RBFOX1: variants seen among roughly 807,000 people sequenced by gnomAD.
RBFOX1 encodes the protein RNA binding fox-1 homolog 1, also known as RNA binding protein fox-1 homolog 1.
In RBFOX1, 8 loss-of-function variants were observed where a neutral mutation model predicts 57.7. The observed-to-expected ratio is 0.14, with a 90% CI of 0.08 to 0.25. The LOEUF is 0.25. Ranked by LOEUF, RBFOX1 falls within the 10% of genes least tolerant of loss-of-function variation. The pLI, the probability that RBFOX1 is intolerant of heterozygous loss-of-function variation, is 1.00. For synonymous variants in RBFOX1, 326 were observed against 222.4 expected (o/e 1.47, Z -4.15); for missense variants, 611 against 548.5 (o/e 1.11, Z -1.14).
intron 2 of RBFOX1, among the ~76,000 whole-genome samples, chr16:6,398,204 A>G (rs1316218905): frequency 1.3e-5 from 2 of 152,132 alleles, no homozygotes; most frequent in East Asian, 1.9e-4. Flanking sequence ...CACCGCCCCC[A>G]TGGTTCAATT....
At chr16:7,010,126 G>A (rs572765750) in intron 3 of RBFOX1, among the ~76,000 whole-genome samples, 31 of 152,326 alleles carry the variant, frequency 2.0e-4, no homozygotes, top group African/African-American at 7.2e-4. Flanking sequence ...ATTCTTTGCT[G>A]CAAAGCACGT....
In RBFOX1 at chr16:5,944,778, C is replaced by A. The variant is rs1327125333; in HGVS notation, c.351+77443C>A. Among the ~76,000 whole-genome samples the A allele has an allele frequency of 5.4e-5, 2 of 36,940 alleles. 1 individual carries two copies. Among genetic ancestry groups the A allele is most frequent in the South Asian group, 1.8e-3 (2 of 1,112 alleles). The allele number at this position is 36,940 out of a possible 152,430, so 24.2% of individuals were successfully genotyped here. The stretch of plus-strand genomic sequence containing the variant: ...GACCATCCTGGCCAACTTGGTGAAA[C>A]CCTGTCTCTGCTAAAAAAAAAAAAA... On this transcript the variant is annotated intron_variant, in intron 4 of 19. Coordinates refer to the RBFOX1 transcript ENST00000641259.
chr16:6,801,841 T>A (rs1234382993), intron 3 of RBFOX1, among the ~76,000 whole-genome samples: 1 of 152,148 alleles, frequency 6.6e-6, no homozygotes, highest in African/African-American at 2.4e-5. Context: ...TATGTCTACA[T>A]GTAAGTGTGC....
chr16:6,950,964 G>A (rs1409183756), intron 3 of RBFOX1, among the ~76,000 whole-genome samples: 2 of 151,414 alleles, frequency 1.3e-5, no homozygotes, highest in African/African-American at 4.9e-5. Flanking sequence ...GGAGTGCAGT[G>A]GCATGATCAC....
In RBFOX1 at chr16:6,163,221, G is replaced by A. The variant is rs187320517; in HGVS notation, c.-127+143229G>A. On this transcript the variant is annotated intron_variant, in intron 1 of 15. Coordinates refer to ENST00000550418, the MANE Select transcript of RBFOX1 (RefSeq NM_018723.4). ...GATGAGACTGGGATAAGGCCAAGGG[G>A]ACTCACCTGGCCAAAATACAAATAG... 8.5e-5 allele frequency among the ~76,000 whole-genome samples: 13 copies of A among 152,322 alleles called. No homozygotes were observed. In the East Asian group the frequency reaches 2.5e-3, roughly 29 times the overall value.
At chr16:6,394,861 A>T (rs2092756936) in intron 2 of RBFOX1, among the ~76,000 whole-genome samples, 1 of 152,144 alleles carries the variant, frequency 6.6e-6, no homozygotes, top group African/African-American at 2.4e-5. Context: ...AACTGTTTAA[A>T]AATCTCACAG....
chr16:6,367,903 C>T (rs1212564670), intron 2 of RBFOX1, among the ~76,000 whole-genome samples: 2 of 152,168 alleles, frequency 1.3e-5, no homozygotes, highest in African/African-American at 4.8e-5. Flanking sequence ...AAACTCAAAC[C>T]CTTGTTGTTC....
In RBFOX1 at chr16:6,615,309, C is replaced by A. The variant is rs570789294; in HGVS notation, c.-63-39294C>A. On this transcript the variant is annotated intron_variant, in intron 2 of 15. Transcript: ENST00000550418. ...TACATTCGTATTTAAGATCCTCATG[C>A]CAGTAATTCTAGTACTTTGGGAGGC... 2.6e-5 allele frequency among the ~76,000 whole-genome samples: 4 copies of A among 152,242 alleles called. No individual in the cohort carries two copies. The East Asian group carries it at 7.7e-4, about 29-fold the overall frequency.
chr16:6,532,306 C>T (rs2096669187), intron 2 of RBFOX1, among the ~76,000 whole-genome samples: 1 of 152,114 alleles, frequency 6.6e-6, no homozygotes, highest in African/African-American at 2.4e-5. Flanking sequence ...AAGCACCAAC[C>T]AGTGAGCAAG....
At chr16:7,314,851 C>G (rs906069848) in intron 4 of RBFOX1, among the ~76,000 whole-genome samples, 3 of 152,188 alleles carry the variant, frequency 2.0e-5, no homozygotes, top group Admixed American at 6.5e-5. Flanking sequence ...AAAAATGATT[C>G]TTTTTCAATT....
At chr16:6,950,697 A>T (rs1469156460) in intron 3 of RBFOX1, among the ~76,000 whole-genome samples, 1 of 152,126 alleles carries the variant, frequency 6.6e-6, no homozygotes, top group Non-Finnish European at 1.5e-5. Flanking sequence ...AGAATGAAAA[A>T]AGAGTTGCTT....
At chr16:7,410,689 A>C (rs200681114) in intron 4 of RBFOX1, among the ~76,000 whole-genome samples, 3 of 118,862 alleles carry the variant, frequency 2.5e-5, no homozygotes, top group East Asian at 3.3e-4. Context: ...AAAACAAAAC[A>C]AAACAACAAA....
At chr16:7,058,588 G>A (rs1339682509) in intron 4 of RBFOX1, among the ~76,000 whole-genome samples, 1 of 152,130 alleles carries the variant, frequency 6.6e-6, no homozygotes, top group Admixed American at 6.5e-5. Context: ...GTGTGTGTGT[G>A]TGCATGCGCA....
chr16:6,330,349 C>T (rs1281785308), intron 2 of RBFOX1, among the ~76,000 whole-genome samples: 1 of 152,212 alleles, frequency 6.6e-6, no homozygotes, highest in Non-Finnish European at 1.5e-5. Context: ...TTCACACCTG[C>T]ACAAAGGCTC....
intron 2 of RBFOX1, among the ~76,000 whole-genome samples, chr16:5,534,175 C>A (rs529475349): frequency 2.6e-5 from 4 of 151,968 alleles, no homozygotes; most frequent in African/African-American, 9.7e-5. Context: ...GCAAGGGTGG[C>A]TGGGAAAGGG....
At chr16:5,475,933 G>A (rs535448090) in intron 2 of RBFOX1, among the ~76,000 whole-genome samples, 1 of 152,310 alleles carries the variant, frequency 6.6e-6, no homozygotes, top group South Asian at 2.1e-4. Context: ...GGCCTCCAAA[G>A]TGTGGCTCTA....
intron 4 of RBFOX1, among the ~76,000 whole-genome samples, chr16:7,474,257 A>C (rs1196326233): frequency 6.6e-6 from 1 of 152,162 alleles, no homozygotes; most frequent in Non-Finnish European, 1.5e-5. Flanking sequence ...ATTGCACTCC[A>C]GCCTGGGTGA....
chr16:6,450,752 T>TAC (rs1555480375), intron 2 of RBFOX1, among the ~76,000 whole-genome samples: 6 of 57,776 alleles, frequency 1.0e-4, no homozygotes, highest in East Asian at 1.0e-3. Context: ...TATATATATA[T>TAC]ACATATATAT....
chr16:6,537,584 C>T (rs186068575), intron 2 of RBFOX1, among the ~76,000 whole-genome samples: 139 of 152,292 alleles, frequency 9.1e-4, no homozygotes, highest in Admixed American at 1.9e-3. Context: ...TCAGAGACCA[C>T]GCTGAAGTAT....
Sources: allele counts gnomAD v4.1 joint callset (sites outside exome capture counted in the v4.1 genomes callset), GRCh38; gene constraint gnomAD v4.1.1; transcripts MANE v1.5; gene names NCBI Gene and HGNC (gene_info 2026-07-23, HGNC 2026-07-21).